Variants in PTPRM observed in about 807,000 individuals in gnomAD.
PTPRM encodes the protein protein tyrosine phosphatase receptor type M.
A neutral mutation model predicts 186.7 loss-of-function variants in PTPRM; 47 were observed. That is an observed-to-expected ratio of 0.25 (90% CI 0.20 to 0.32). The LOEUF is 0.32. Among genes scored for constraint, PTPRM ranks in the 10% least tolerant of loss-of-function variants. PTPRM has a pLI of 1.00. For synonymous variants in PTPRM, 668 were observed against 674.9 expected (o/e 0.99, Z 0.16); for missense variants, 1,494 against 1,865.0 (o/e 0.80, Z 3.66).
intron 32 of PTPRM, among the ~76,000 whole-genome samples, chr18:8,402,400 G>A (rs2095876858): frequency 6.6e-6 from 1 of 152,212 alleles, no homozygotes; most frequent in Admixed American, 6.5e-5. Flanking sequence ...CCAAGCAGCA[G>A]CTCCTTAGCA....
chr18:8,400,257 TG>T (rs1194461220), intron 32 of PTPRM, among the ~76,000 whole-genome samples: 2 of 152,198 alleles, frequency 1.3e-5, no homozygotes, highest in Non-Finnish European at 2.9e-5. Flanking sequence ...TTCTGATCCC[TG>T]GGCCCACCTG....
chr18:7,834,807 A>C (rs2045951966), intron 2 of PTPRM, among the ~76,000 whole-genome samples: 1 of 151,816 alleles, frequency 6.6e-6, no homozygotes, highest in Admixed American at 6.6e-5. Context: ...TGGTCTGTTC[A>C]AGTTTTGAAT....
intron 1 of PTPRM, among the ~76,000 whole-genome samples, chr18:7,732,411 C>CTGTA (rs1343243818): frequency 6.6e-6 from 1 of 152,212 alleles, no homozygotes; most frequent in Non-Finnish European, 1.5e-5. Context: ...AATATTCAGT[C>CTGTA]TGTATTCTGG....
At chr18:8,096,836 C>T (rs866551747) in intron 11 of PTPRM, among the ~76,000 whole-genome samples, 9 of 152,310 alleles carry the variant, frequency 5.9e-5, no homozygotes, top group Non-Finnish European at 1.2e-4. Flanking sequence ...AGATGCCTCA[C>T]TTTCACATAT....
intron 5 of PTPRM, among the ~76,000 whole-genome samples, chr18:7,939,096 A>G (rs937544181): frequency 6.6e-6 from 1 of 152,212 alleles, no homozygotes; most frequent in Non-Finnish European, 1.5e-5. Context: ...AGATATTTCA[A>G]ACAAAATTAC....
chr18:8,215,302 G>A (rs7239742), intron 14 of PTPRM, among the ~76,000 whole-genome samples: 2 of 151,630 alleles, frequency 1.3e-5, no homozygotes, highest in African/African-American at 4.9e-5. Flanking sequence ...TCAGTAGTTC[G>A]TATTTACCAT....
At chr18:7,619,884 T>C (rs138901908) in intron 1 of PTPRM, among the ~76,000 whole-genome samples, 1 of 152,302 alleles carries the variant, frequency 6.6e-6, no homozygotes, top group Non-Finnish European at 1.5e-5. Flanking sequence ...TCGTGCTTGT[T>C]TCACCACATC....
chr18:7,698,694 T>C (rs1187409441), intron 1 of PTPRM, among the ~76,000 whole-genome samples: 2 of 152,208 alleles, frequency 1.3e-5, no homozygotes, highest in Admixed American at 6.5e-5. Flanking sequence ...TCCAATGTGA[T>C]TGTAAAAATT....
At chr18:7,904,049 C>T (rs534360437) in intron 3 of PTPRM, among the ~76,000 whole-genome samples, 2 of 152,020 alleles carry the variant, frequency 1.3e-5, no homozygotes, top group East Asian at 1.9e-4. Flanking sequence ...CTTGATTTTT[C>T]GTATGAACTA....
At chr18:7,792,440 C>T (rs28580069) in intron 2 of PTPRM, among the ~76,000 whole-genome samples, 2,402 of 152,144 alleles carry the variant, frequency 0.016, 42 homozygotes, top group African/African-American at 0.049. Flanking sequence ...TATTCAGTGC[C>T]GGGTGGTTTT....
intron 23 of PTPRM, among the ~76,000 whole-genome samples, chr18:8,368,141 A>AC (rs1006280226): frequency 4.6e-5 from 7 of 151,298 alleles, no homozygotes; most frequent in Non-Finnish European, 8.8e-5. Flanking sequence ...TGCTTGCATA[A>AC]CTGAAGTCAC....
chr18:8,085,789 C>T lies in PTPRM; in HGVS notation c.1670C>T (p.Thr557Ile). 6.2e-7 allele frequency: 1 copy of T among 1,613,514 alleles called. No individual in the cohort carries two copies. The highest frequency in any genetic ancestry group is 8.5e-7 in the Non-Finnish European group (1 of 1,179,648). ...HFLFFGLYPG[T>I]TYSFTIRAST... Reference sequence around the variant, plus strand: ...CTGTTTTTTGGACTGTATCCGGGGACCACATACTCCTTTACCATCCGAGCT... The same window carrying T: ...CTGTTTTTTGGACTGTATCCGGGGATCACATACTCCTTTACCATCCGAGCT... Residue 557 changes from threonine to isoleucine, a missense_variant, in exon 10 of 33, where the codon ACC becomes ATC. This residue lies in a region of PTPRM where 1,107 missense variants were observed against 1,350.2 expected (regional missense o/e 0.82). Coordinates refer to ENST00000580170, the MANE Select transcript of PTPRM (RefSeq NM_001105244.2).
intron 14 of PTPRM, among the ~76,000 whole-genome samples, chr18:8,146,253 A>G (rs1028728422): frequency 6.6e-6 from 1 of 151,774 alleles, no homozygotes; most frequent in Non-Finnish European, 1.5e-5. Flanking sequence ...CAAACTCCCA[A>G]TCTTGTGATC....
At chr18:7,634,583 C>T (rs948556372) in intron 1 of PTPRM, among the ~76,000 whole-genome samples, 2 of 152,208 alleles carry the variant, frequency 1.3e-5, no homozygotes, top group African/African-American at 4.8e-5. Flanking sequence ...TCCCAATAAA[C>T]ATTTATCCTC....
intron 9 of PTPRM, among the ~76,000 whole-genome samples, chr18:8,085,374 A>G (rs1029150837): frequency 2.6e-5 from 4 of 152,116 alleles, no homozygotes; most frequent in Non-Finnish European, 5.9e-5. Flanking sequence ...ACCCATTGTA[A>G]TGTAGTTTTA....
At chr18:8,297,833 T>C (rs921430878) in intron 20 of PTPRM, among the ~76,000 whole-genome samples, 4 of 152,198 alleles carry the variant, frequency 2.6e-5, no homozygotes, top group African/African-American at 9.7e-5. Flanking sequence ...GTATAAATGC[T>C]AGCTTCATGT....
intron 1 of PTPRM, among the ~76,000 whole-genome samples, chr18:7,744,832 G>C (rs554449804): frequency 3.2e-4 from 48 of 152,000 alleles, no homozygotes; most frequent in Non-Finnish European, 6.0e-4. Flanking sequence ...TTTCTCATAA[G>C]AAAAAAACAA....
intron 1 of PTPRM, among the ~76,000 whole-genome samples, chr18:7,717,839 G>A (rs2040370159): frequency 6.6e-6 from 1 of 152,164 alleles, no homozygotes; most frequent in South Asian, 2.1e-4. Context: ...AACACAGCAA[G>A]TCTTGAGTGA....
intron 13 of PTPRM, among the ~76,000 whole-genome samples, chr18:8,129,937 G>A (rs2092462059): frequency 1.3e-5 from 2 of 152,174 alleles, no homozygotes; most frequent in South Asian, 4.1e-4. Context: ...AGTCCTTAGA[G>A]GAGATGCACC....
Sources: allele counts gnomAD v4.1 joint callset (sites outside exome capture counted in the v4.1 genomes callset), GRCh38; gene constraint gnomAD v4.1.1; regional missense constraint gnomAD v4.1.1; transcripts MANE v1.5; gene names NCBI Gene and HGNC (gene_info 2026-07-23, HGNC 2026-07-21).